The following MGMT variants were observed in gnomAD, a reference collection of about 807,000 sequenced individuals.
MGMT encodes methylated-DNA--protein-cysteine methyltransferase.
Under a neutral mutation model 15.9 loss-of-function variants are expected in MGMT, and 14 were observed. That is an observed-to-expected ratio of 0.88 (90% confidence interval 0.58 to 1.37). MGMT has a LOEUF of 1.37. Among genes scored for constraint, MGMT ranks in the 40% most tolerant of loss-of-function variants. The pLI is 0.00. For missense variants in MGMT, 282 were observed against 268.1 expected (o/e 1.05, Z -0.36); for synonymous variants, 130 against 118.2 (o/e 1.10, Z -0.65).
intron 2 of MGMT, among the ~76,000 whole-genome samples, chr10:129,565,717 C>T (rs942741017): frequency 2.6e-5 from 4 of 152,132 alleles, no homozygotes; most frequent in East Asian, 1.9e-4. Context: ...AGCATCTGAA[C>T]GTGGTGATGG....
At chr10:129,649,572 A>G (rs1447992013) in intron 2 of MGMT, among the ~76,000 whole-genome samples, 2 of 152,346 alleles carry the variant, frequency 1.3e-5, no homozygotes, top group East Asian at 3.9e-4. Flanking sequence ...AATTGGTCAC[A>G]TCAGAGACAC....
At chr10:129,539,741 C>T (rs1453922916) in intron 2 of MGMT, among the ~76,000 whole-genome samples, 4 of 152,102 alleles carry the variant, frequency 2.6e-5, no homozygotes, top group South Asian at 2.1e-4. Flanking sequence ...CTCCTGACCT[C>T]GTGATCCACC....
At chr10:129,645,256 T>A (rs7074106) in intron 2 of MGMT, among the ~76,000 whole-genome samples, 74,501 of 151,516 alleles carry the variant, frequency 0.49, 19,898 homozygotes, top group African/African-American at 0.69. Context: ...AGCAGCTGGG[T>A]TTATAGGCGC....
intron 2 of MGMT, among the ~76,000 whole-genome samples, chr10:129,634,677 C>T (rs2133085193): frequency 6.6e-6 from 1 of 151,936 alleles, no homozygotes; most frequent in East Asian, 1.9e-4. Flanking sequence ...TCTGAAAGTT[C>T]TCTTTGGATC....
chr10:129,510,200 G>A (rs927956999), intron 1 of MGMT, among the ~76,000 whole-genome samples: 14 of 149,562 alleles, frequency 9.4e-5, no homozygotes, highest in Admixed American at 5.9e-4. Context: ...ATGATCCCTC[G>A]GAGAATATTT....
intron 2 of MGMT, among the ~76,000 whole-genome samples, chr10:129,702,551 G>A (rs546087646): frequency 8.5e-5 from 13 of 152,224 alleles, no homozygotes; most frequent in African/African-American, 3.1e-4. Context: ...CAAGGGATGG[G>A]ATAGGAAGGG....
chr10:129,554,664 G>A (rs542676868), intron 2 of MGMT, among the ~76,000 whole-genome samples: 11 of 152,180 alleles, frequency 7.2e-5, no homozygotes, highest in Middle Eastern at 3.4e-3. Context: ...TTTCTGTATT[G>A]CAGGTTGGCT....
chr10:129,700,471 C>T (rs77159423), intron 2 of MGMT: 11,706 of 152,244 alleles, frequency 0.077, 689 homozygotes, highest in Admixed American at 0.17. Context: ...CATGAAACAT[C>T]GGGGCCAATG....
At chr10:129,551,841 C>T (rs977111982) in intron 2 of MGMT, among the ~76,000 whole-genome samples, 10 of 152,260 alleles carry the variant, frequency 6.6e-5, no homozygotes, top group Admixed American at 1.3e-4. Context: ...GCCTGGCCTG[C>T]GCTCGCCTGG....
At chr10:129,748,741 A>G (rs1285379405) in intron 3 of MGMT, among the ~76,000 whole-genome samples, 1 of 152,164 alleles carries the variant, frequency 6.6e-6, no homozygotes, top group Non-Finnish European at 1.5e-5. Flanking sequence ...ATTAGTTCCT[A>G]TTGATATCTG....
chr10:129,589,256 C>T (rs931168756), intron 2 of MGMT, among the ~76,000 whole-genome samples: 1 of 152,162 alleles, frequency 6.6e-6, no homozygotes, highest in African/African-American at 2.4e-5. Flanking sequence ...AGTGGCTCTG[C>T]AGTGGGACGT....
At chr10:129,501,091 C>G (rs928615250) in intron 1 of MGMT, among the ~76,000 whole-genome samples, 19 of 152,226 alleles carry the variant, frequency 1.2e-4, no homozygotes, top group African/African-American at 4.6e-4. Context: ...GCAACTCTTG[C>G]ATCAAAATCC....
intron 3 of MGMT, among the ~76,000 whole-genome samples, chr10:129,739,507 A>C (rs1434732451): frequency 6.6e-6 from 1 of 152,154 alleles, no homozygotes; most frequent in African/African-American, 2.4e-5. Flanking sequence ...GTGCTTGTCC[A>C]TCAGTGTCTG....
At position 129,767,840 on chromosome 10, in the gene MGMT, C is replaced by CA. The variant is rs1848956652; in HGVS notation, c.*846dup. ...GCACCCCAGTGTCGATCCTGGAAGT[C>CA]AAAGGTCACGACTGTGGGGGGCCAG... On this transcript the variant is annotated 3_prime_UTR_variant, in exon 5 of 5. Coordinates refer to ENST00000651593, the MANE Select transcript of MGMT (RefSeq NM_002412.5). 6.6e-6 allele frequency: 1 copy of CA among 152,228 alleles called. No individual in the cohort carries two copies. The highest frequency in any genetic ancestry group is 2.1e-4 in the South Asian group (1 of 4,828). The allele number at this position is 152,228 out of a possible 1,614,324, so 9.4% of individuals were successfully genotyped here.
intron 3 of MGMT, among the ~76,000 whole-genome samples, chr10:129,712,480 A>G (rs1260419350): frequency 1.3e-5 from 2 of 152,202 alleles, no homozygotes; most frequent in Non-Finnish European, 2.9e-5. Flanking sequence ...TGTAACTTCT[A>G]TTATAGAGCC....
intron 2 of MGMT, among the ~76,000 whole-genome samples, chr10:129,703,075 C>G (rs1020888193): frequency 6.6e-6 from 1 of 152,170 alleles, no homozygotes; most frequent in Non-Finnish European, 1.5e-5. Flanking sequence ...TAATGCCATT[C>G]ATTTTAAATG....
chr10:129,567,186 G>GT (rs1382589850), intron 2 of MGMT, among the ~76,000 whole-genome samples: 4 of 152,154 alleles, frequency 2.6e-5, no homozygotes, highest in Admixed American at 6.5e-5. Flanking sequence ...CGTGCGGGTG[G>GT]TCATCGGCCA....
intron 3 of MGMT, among the ~76,000 whole-genome samples, chr10:129,742,906 T>TGCCCCACCACC (rs1715425368): frequency 6.6e-6 from 1 of 152,110 alleles, no homozygotes; most frequent in Non-Finnish European, 1.5e-5. Flanking sequence ...CATTCAGCAC[T>TGCCCCACCACC]GCCCCACCAC....
chr10:129,735,641 A>C (rs1848551405), intron 3 of MGMT, among the ~76,000 whole-genome samples: 1 of 125,610 alleles, frequency 8.0e-6, no homozygotes, highest in African/African-American at 3.1e-5. Context: ...TAGTTCTTTT[A>C]ATTGTGATGT....
Sources: allele counts gnomAD v4.1 joint callset (sites outside exome capture counted in the v4.1 genomes callset), GRCh38; gene constraint gnomAD v4.1.1; transcripts MANE v1.5; gene names NCBI Gene and HGNC (gene_info 2026-07-23, HGNC 2026-07-21).